Variants in TSHZ2 observed in about 807,000 individuals in gnomAD.
TSHZ2 encodes the protein teashirt zinc finger homeobox 2.
Under a neutral mutation model 74.4 loss-of-function variants are expected in TSHZ2, and 21 were observed. That is an observed-to-expected ratio of 0.28 (90% CI 0.20 to 0.41). TSHZ2 has a LOEUF of 0.41. Among genes scored for constraint, TSHZ2 ranks in the 10% least tolerant of loss-of-function variants. TSHZ2 has a pLI of 1.00. For synonymous variants in TSHZ2, 540 were observed against 515.3 expected (o/e 1.05, Z -0.65); for missense variants, 1,244 against 1,293.5 (o/e 0.96, Z 0.59).
chr20:53,393,693 A>C (rs1277985787), intron 2 of TSHZ2, among the ~76,000 whole-genome samples: 1 of 125,500 alleles, frequency 8.0e-6, no homozygotes, highest in Non-Finnish European at 1.8e-5. Flanking sequence ...CACACACACA[A>C]ATTGTAAAAA....
chr20:53,209,059 A>C (rs114406710), intron 1 of TSHZ2, among the ~76,000 whole-genome samples: 138 of 152,338 alleles, frequency 9.1e-4, no homozygotes, highest in African/African-American at 3.1e-3. Context: ...AGACATTTCC[A>C]AAACAACCAT....
In TSHZ2 at chr20:53,348,002, T is replaced by A. The variant is rs559461488; in HGVS notation, c.*8+91431T>A. 5.9e-5 allele frequency among the ~76,000 whole-genome samples: 9 copies of A among 152,286 alleles called. No homozygotes were observed. The South Asian group carries it at 1.7e-3, about 28-fold the overall frequency. ...CTCTTTCCCTCCTCCCAGCCCCTGATAACCGCTAATCTGTGTCTACTGATC... is the reference window on the plus strand; with the variant it reads ...CTCTTTCCCTCCTCCCAGCCCCTGAAAACCGCTAATCTGTGTCTACTGATC... On this transcript the variant is annotated intron_variant, in intron 2 of 2. Transcript: ENST00000371497.
intron 2 of TSHZ2, among the ~76,000 whole-genome samples, chr20:53,384,598 A>G (rs572739161): frequency 3.1e-4 from 47 of 151,758 alleles, no homozygotes; most frequent in African/African-American, 1.1e-3. Flanking sequence ...AAGGGGCTTG[A>G]CCTCTTTGGG....
At chr20:53,036,766 G>A (rs1433745019) in intron 1 of TSHZ2, among the ~76,000 whole-genome samples, 1 of 147,272 alleles carries the variant, frequency 6.8e-6, no homozygotes, top group South Asian at 2.1e-4. Flanking sequence ...ATTACATAAA[G>A]TATATATTAT....
At chr20:53,442,749 T>A (rs534675587) in intron 2 of TSHZ2, among the ~76,000 whole-genome samples, 1 of 152,344 alleles carries the variant, frequency 6.6e-6, no homozygotes, top group African/African-American at 2.4e-5. Flanking sequence ...AGTTGGAGGT[T>A]GTTCAAAAAG....
rs1289197826 is a variant in TSHZ2 at position 53,294,278 on chromosome 20, C to A, written c.*8+37707C>A. The stretch of plus-strand genomic sequence containing the variant: ...GTAAAGCAGTTAGTGCCGAACCTAG[C>A]ACTGTGGTAGACGTTTGCTAAATGG... On this transcript the variant is annotated intron_variant, in intron 2 of 2. Transcript: ENST00000371497. Among the ~76,000 whole-genome samples the A allele has an allele frequency of 3.9e-5, 6 of 152,304 alleles. No individual in the cohort carries two copies. In the South Asian group the frequency reaches 6.2e-4, roughly 16 times the overall value.
intron 2 of TSHZ2, among the ~76,000 whole-genome samples, chr20:53,395,784 A>G (rs1000789344): frequency 2.0e-5 from 3 of 152,252 alleles, no homozygotes; most frequent in Non-Finnish European, 4.4e-5. Context: ...TTGTGGGAAT[A>G]GGAAGGAACA....
At chr20:53,092,741 G>A (rs1039890949) in intron 1 of TSHZ2, among the ~76,000 whole-genome samples, 2 of 152,240 alleles carry the variant, frequency 1.3e-5, no homozygotes, top group African/African-American at 4.8e-5. Flanking sequence ...TTCTGGGACA[G>A]TGGCACTCAT....
intron 1 of TSHZ2, among the ~76,000 whole-genome samples, chr20:53,055,198 A>T (rs1984599604): frequency 6.6e-6 from 1 of 152,200 alleles, no homozygotes; most frequent in African/African-American, 2.4e-5. Flanking sequence ...CACAGGTTTT[A>T]TATTGAAATC....
Position 53,282,465 on chromosome 20 carries a change from T to C in TSHZ2, c.*8+25894T>C, listed in dbSNP as rs145121798. Among the ~76,000 whole-genome samples the C allele has an allele frequency of 6.8e-3, 1,035 of 152,328 alleles. 13 individuals carry two copies. The highest frequency in any genetic ancestry group is 0.024 in the African/African-American group (997 of 41,564). ...AGAGCTTTTCTATCTTTTTTCTGAT[T>C]TAACCCTTACCACACGCTTTAAGTA... On this transcript the variant is annotated intron_variant, in intron 2 of 2. Coordinates refer to ENST00000371497, the MANE Select transcript of TSHZ2 (RefSeq NM_173485.6).
intron 2 of TSHZ2, among the ~76,000 whole-genome samples, chr20:53,371,119 G>A (rs763604827): frequency 3.9e-5 from 6 of 151,946 alleles, no homozygotes; most frequent in Non-Finnish European, 8.8e-5. Context: ...ATTGCTTTTC[G>A]GGCCTACCTC....
intron 2 of TSHZ2, among the ~76,000 whole-genome samples, chr20:53,312,100 T>A (rs200596): frequency 0.84 from 127,388 of 151,392 alleles, 53,762 homozygotes; most frequent in African/African-American, 0.89. Flanking sequence ...AAAATTTTTT[T>A]AAAAAAAATC....
intron 2 of TSHZ2, among the ~76,000 whole-genome samples, chr20:53,396,184 G>C (rs1221915113): frequency 2.6e-5 from 4 of 152,166 alleles, no homozygotes; most frequent in African/African-American, 9.7e-5. Flanking sequence ...TGATCCACCC[G>C]CCTTGGCCTC....
chr20:53,484,123 G>A (rs1189586478), intron 2 of TSHZ2, among the ~76,000 whole-genome samples: 4 of 152,086 alleles, frequency 2.6e-5, no homozygotes. Context: ...CCTCCTTTAA[G>A]CTTCTAGACC....
At chr20:53,070,571 G>C (rs1203484760) in intron 1 of TSHZ2, among the ~76,000 whole-genome samples, 3 of 152,184 alleles carry the variant, frequency 2.0e-5, no homozygotes, top group East Asian at 3.8e-4. Flanking sequence ...TCTGCGAAAA[G>C]AGTAATTCAC....
intron 2 of TSHZ2, among the ~76,000 whole-genome samples, chr20:53,258,202 T>C (rs988066155): frequency 7.9e-5 from 12 of 152,216 alleles, no homozygotes; most frequent in African/African-American, 2.7e-4. Context: ...TTCTTCTCAT[T>C]CTTTCCAAGC....
chr20:53,411,546 A>C (rs1233854448), intron 2 of TSHZ2, among the ~76,000 whole-genome samples: 1 of 152,202 alleles, frequency 6.6e-6, no homozygotes, highest in Non-Finnish European at 1.5e-5. Context: ...AGAGTACCTA[A>C]GGCTGAGGAT....
intron 2 of TSHZ2, among the ~76,000 whole-genome samples, chr20:53,428,753 AT>A (rs1350754308): frequency 2.0e-5 from 3 of 152,132 alleles, no homozygotes; most frequent in African/African-American, 7.2e-5. Context: ...GGCCTAACTG[AT>A]ACTCCTCTTC....
Position 53,012,823 on chromosome 20 carries a change from C to T in TSHZ2, c.40+39490C>T, listed in dbSNP as rs1014626647. 9.9e-5 allele frequency among the ~76,000 whole-genome samples: 15 copies of T among 152,260 alleles called. No homozygotes were observed. In the East Asian group the frequency reaches 2.9e-3, roughly 29 times the overall value. ...CTTCCCGGCTTCTCTCTCTGTCCCT[C>T]GCACCTGCCACTTCAGCTAAGATCT... On this transcript the variant is annotated intron_variant, in intron 1 of 2. Transcript: ENST00000371497.
Sources: allele counts gnomAD v4.1 joint callset (sites outside exome capture counted in the v4.1 genomes callset), GRCh38; gene constraint gnomAD v4.1.1; transcripts MANE v1.5; gene names NCBI Gene and HGNC (gene_info 2026-07-23, HGNC 2026-07-21).